Variants in NELL1 observed in about 807,000 individuals in gnomAD.
The protein encoded by NELL1 is neural EGFL like 1, also known as protein kinase C-binding protein NELL1.
A neutral mutation model predicts 107.4 loss-of-function variants in NELL1; 76 were observed. The ratio of observed to expected loss-of-function variants is 0.71; its 90% CI spans 0.59 to 0.86. The LOEUF (loss-of-function observed/expected upper bound fraction) is 0.86. NELL1 is among the 40% of genes least tolerant of loss of function. NELL1 has a pLI of 0.00. For missense variants in NELL1, 1,024 were observed against 1,005.5 expected, an observed-to-expected ratio of 1.02 and a Z score of -0.25; for synonymous variants, 353 against 341.2, an observed-to-expected ratio of 1.03 and a Z score of -0.38.
chr11:21,358,706 C>G (rs1030924167), intron 14 of NELL1, among the ~76,000 whole-genome samples: 2 of 148,736 alleles, frequency 1.3e-5, no homozygotes, highest in Non-Finnish European at 3.0e-5. Context: ...CGTGACCCAC[C>G]GTGCCCGGCC....
At chr11:20,828,823 A>G (rs1346343446) in intron 3 of NELL1, among the ~76,000 whole-genome samples, 1 of 152,186 alleles carries the variant, frequency 6.6e-6, no homozygotes, top group Non-Finnish European at 1.5e-5. Flanking sequence ...GGATTTCACA[A>G]TTCTAACCTG....
intron 14 of NELL1, among the ~76,000 whole-genome samples, chr11:21,285,122 A>C (rs1309666063): frequency 6.6e-6 from 1 of 152,160 alleles, no homozygotes; most frequent in African/African-American, 2.4e-5. Flanking sequence ...TGTGAACCAA[A>C]ACTGATTTTT....
At chr11:21,004,216 C>T (rs974178410) in intron 12 of NELL1, among the ~76,000 whole-genome samples, 3 of 152,096 alleles carry the variant, frequency 2.0e-5, no homozygotes, top group Non-Finnish European at 2.9e-5. Context: ...TAGCTGTATT[C>T]ATCTTTATGT....
intron 3 of NELL1, among the ~76,000 whole-genome samples, chr11:20,790,137 G>GC (rs1343304112): frequency 6.6e-6 from 1 of 152,168 alleles, no homozygotes; most frequent in East Asian, 1.9e-4. Context: ...GCCCTCCCTG[G>GC]CCTGAAGGCG....
intron 14 of NELL1, among the ~76,000 whole-genome samples, chr11:21,257,444 C>T (rs932809998): frequency 2.6e-5 from 4 of 151,942 alleles, no homozygotes; most frequent in Admixed American, 2.6e-4. Flanking sequence ...TCCTTTTGAT[C>T]AGGCCTGGGA....
At chr11:21,094,744 G>A (rs889626111) in intron 12 of NELL1, among the ~76,000 whole-genome samples, 2 of 152,118 alleles carry the variant, frequency 1.3e-5, no homozygotes, top group Non-Finnish European at 2.9e-5. Flanking sequence ...AAGAAGGCTG[G>A]GACACAGGTC....
intron 12 of NELL1, among the ~76,000 whole-genome samples, chr11:21,109,742 T>C (rs1467445472): frequency 1.3e-5 from 2 of 152,188 alleles, no homozygotes; most frequent in Admixed American, 1.3e-4. Flanking sequence ...CCTAGACTCA[T>C]CTATAAAATT....
intron 12 of NELL1, among the ~76,000 whole-genome samples, chr11:21,033,524 A>G (rs1853013086): frequency 6.6e-6 from 1 of 152,152 alleles, no homozygotes; most frequent in Admixed American, 6.6e-5. Context: ...TTCTAAGGAT[A>G]GTGGCCTCCA....
At position 20,744,482 on chromosome 11, in the gene NELL1, T is replaced by G. The variant is rs557320923; in HGVS notation, c.185-39198T>G. 1.3e-4 allele frequency among the ~76,000 whole-genome samples: 20 copies of G among 152,350 alleles called. No individual in the cohort carries two copies. In the South Asian group the frequency reaches 3.7e-3, roughly 28 times the overall value. On this transcript the variant is annotated intron_variant, in intron 2 of 19. Transcript: ENST00000357134. ...GCATTTATTCTCTCTTTTATAGGACTGCAAGTTGACGGAATCAGCTAATCT... is the reference window on the plus strand; with the variant it reads ...GCATTTATTCTCTCTTTTATAGGACGGCAAGTTGACGGAATCAGCTAATCT...
Position 21,165,943 on chromosome 11 carries a change from C to T in NELL1, c.1426+52229C>T, listed in dbSNP as rs143996520. ...CTGATTTTTGTAATTTTAGTAGAGA[C>T]GGGGTTTCACCATATTGGTCAGGCT... On this transcript the variant is annotated intron_variant, in intron 13 of 19. Transcript: ENST00000357134. Among the ~76,000 whole-genome samples, 219 of 151,218 alleles carry T rather than the reference C, an allele frequency of 1.4e-3. 8 individuals carry two copies. In the East Asian group the frequency reaches 0.031, roughly 21 times the overall value.
At chr11:21,186,636 C>G (rs778327468) in intron 13 of NELL1, among the ~76,000 whole-genome samples, 5 of 151,768 alleles carry the variant, frequency 3.3e-5, no homozygotes, top group South Asian at 4.2e-4. Context: ...CAAGGAAAGG[C>G]TAATATGTTT....
At chr11:21,324,463 C>G (rs1032847805) in intron 14 of NELL1, among the ~76,000 whole-genome samples, 3 of 152,026 alleles carry the variant, frequency 2.0e-5, no homozygotes, top group Non-Finnish European at 4.4e-5. Flanking sequence ...ACATTTTCTT[C>G]TAATATTTGT....
intron 5 of NELL1, among the ~76,000 whole-genome samples, chr11:20,915,859 A>G (rs554256262): frequency 6.6e-6 from 1 of 151,088 alleles, no homozygotes; most frequent in Non-Finnish European, 1.5e-5. Context: ...TCCTGGCAGT[A>G]AATTGTCCAT....
intron 5 of NELL1, among the ~76,000 whole-genome samples, chr11:20,886,863 T>C (rs969132644): frequency 9.9e-5 from 15 of 152,246 alleles, no homozygotes; most frequent in African/African-American, 3.6e-4. Context: ...TAAGATGTAA[T>C]TTACATACAG....
intron 2 of NELL1, among the ~76,000 whole-genome samples, chr11:20,755,235 G>A (rs1300693605): frequency 5.3e-5 from 8 of 152,146 alleles, no homozygotes; most frequent in African/African-American, 9.7e-5. Flanking sequence ...TTTGACTGAA[G>A]CAGGCAGAAA....
At chr11:20,887,214 T>G (rs1387883604) in intron 5 of NELL1, among the ~76,000 whole-genome samples, 1 of 152,234 alleles carries the variant, frequency 6.6e-6, no homozygotes, top group African/African-American at 2.4e-5. Context: ...GTTGTATGAA[T>G]GTATCATATT....
At chr11:21,130,534 AG>A (rs1354638596) in intron 13 of NELL1, among the ~76,000 whole-genome samples, 14 of 152,222 alleles carry the variant, frequency 9.2e-5, no homozygotes, top group African/African-American at 3.4e-4. Flanking sequence ...CTAAATCTAC[AG>A]GGTAAACATG....
At chr11:20,823,370 C>T (rs182526649) in intron 3 of NELL1, among the ~76,000 whole-genome samples, 1 of 151,308 alleles carries the variant, frequency 6.6e-6, no homozygotes, top group Admixed American at 6.6e-5. Context: ...CACTGGGTCT[C>T]TCCCACAACA....
At chr11:20,992,956 G>A (rs776873038) in intron 12 of NELL1, among the ~76,000 whole-genome samples, 6 of 151,936 alleles carry the variant, frequency 3.9e-5, no homozygotes, top group African/African-American at 7.3e-5. Context: ...CTCGTGATCC[G>A]CCCGCCTTGG....
Sources: gnomAD v4.1 joint callset for allele counts (sites outside exome capture counted in the v4.1 genomes callset) on GRCh38, gnomAD v4.1.1 for gene constraint, MANE v1.5 for transcripts, NCBI Gene and HGNC (gene_info 2026-07-23, HGNC 2026-07-21) for gene names.